Variants in PPM1B observed in about 807,000 individuals in gnomAD.
The protein encoded by PPM1B is protein phosphatase, Mg2+/Mn2+ dependent 1B.
In PPM1B, 22 loss-of-function variants were observed where a neutral mutation model predicts 43.0. The ratio of observed to expected loss-of-function variants is 0.51; its 90% CI spans 0.37 to 0.73. The LOEUF is 0.73. Among genes scored for constraint, PPM1B ranks in the 30% least tolerant of loss-of-function variants. The pLI, the probability that PPM1B is intolerant of heterozygous loss-of-function variation, is 0.00. For synonymous variants in PPM1B, 217 were observed against 197.9 expected (o/e 1.10, Z -0.81); for missense variants, 632 against 584.2 (o/e 1.08, Z -0.84).
chr2:44,213,743 A>C (rs957845516), intron 3 of PPM1B: 1 of 152,178 alleles, frequency 6.6e-6, no homozygotes, highest in East Asian at 1.9e-4. Context: ...AGGGTGATGA[A>C]AACGTGAGAA....
At chr2:44,196,514 C>A (rs11892447) in intron 1 of PPM1B, among the ~76,000 whole-genome samples, 134 of 152,306 alleles carry the variant, frequency 8.8e-4, no homozygotes, top group Non-Finnish European at 1.4e-3. Context: ...GAGTTATTCT[C>A]TCCCTCGTTT....
Position 44,230,587 on chromosome 2 carries a change from A to C in PPM1B, c.1309A>C (p.Thr437Pro). Residue 437 changes from threonine (T) to proline (P), a missense_variant, in exon 6 of 6, where the codon ACT becomes CCT. Coordinates refer to ENST00000282412, the MANE Select transcript of PPM1B (RefSeq NM_002706.6). ...ESPAEPAATA[T>P]SSNSDAGNPV... ...CCCTGCTGAACCAGCTGCCACAGCT[A>C]CTTCTTCGAACAGTGATGCTGGAAA... 2 of 1,614,210 alleles carry C rather than the reference A, an allele frequency of 1.2e-6. No individual in the cohort carries two copies. Among genetic ancestry groups the C allele is most frequent in the Non-Finnish European group, 1.7e-6 (2 of 1,180,024 alleles).
chr2:44,187,287 A>G (rs908289339), intron 1 of PPM1B, among the ~76,000 whole-genome samples: 2 of 152,162 alleles, frequency 1.3e-5, no homozygotes, highest in Non-Finnish European at 2.9e-5. Context: ...TGTATATACT[A>G]CATTTTGTTT....
At chr2:44,210,926 A>G (rs1484685227) in intron 3 of PPM1B, among the ~76,000 whole-genome samples, 1 of 152,118 alleles carries the variant, frequency 6.6e-6, no homozygotes, top group African/African-American at 2.4e-5. Flanking sequence ...TCACGAGGTC[A>G]AGAGTTGGAG....
chr2:44,198,510 ATTTG>A (rs1003641826), intron 1 of PPM1B, among the ~76,000 whole-genome samples: 3 of 152,064 alleles, frequency 2.0e-5, no homozygotes, highest in Admixed American at 1.3e-4. Flanking sequence ...CTTTTTTGAT[ATTTG>A]TTTTTCTAAA....
At chr2:44,228,744 A>G (rs886415897) in intron 5 of PPM1B, among the ~76,000 whole-genome samples, 1 of 151,308 alleles carries the variant, frequency 6.6e-6, no homozygotes, top group Admixed American at 6.6e-5. Flanking sequence ...TCTAGATTCA[A>G]CAACTGTTAA....
intron 2 of PPM1B, among the ~76,000 whole-genome samples, chr2:44,206,270 C>G (rs1271171989): frequency 1.3e-5 from 2 of 152,098 alleles, no homozygotes; most frequent in African/African-American, 2.4e-5. Context: ...AAACTTTATA[C>G]TGATTATACA....
intron 2 of PPM1B, among the ~76,000 whole-genome samples, chr2:44,202,951 T>C (rs1213461943): frequency 6.6e-6 from 1 of 152,194 alleles, no homozygotes; most frequent in African/African-American, 2.4e-5. Flanking sequence ...ACTGAAAAGA[T>C]ACCAAGGTAA....
chr2:44,240,402 C>G lies in PPM1B; in HGVS notation n.1547-3826C>G, dbSNP rs1670720072. On this transcript the variant is annotated intron_variant and non_coding_transcript_variant, in intron 5 of 5. Coordinates refer to the PPM1B transcript ENST00000378540. ...TGTAAAACAGGATTAGTAACTATAC[C>G]ATGCCAAGTCATGTGGGAGCCTAAG... is the stretch of plus-strand genomic sequence containing the variant. Among the ~76,000 whole-genome samples, 2 of 145,730 alleles carry G rather than the reference C, an allele frequency of 1.4e-5. 1 individual carries two copies.
In PPM1B at chr2:44,201,497, G is replaced by A; in HGVS notation, c.298G>A (p.Glu100Lys). Reference sequence around the variant, plus strand: ...AGGATCTGCTCTTGAGCTTTCAGTGGAAAATGTTAAGAATGGTATCAGAAC... The same window carrying A: ...AGGATCTGCTCTTGAGCTTTCAGTGAAAAATGTTAAGAATGGTATCAGAAC... Reference protein sequence around the residue: ...KSGSALELSVENVKNGIRTGF... With the variant: ...KSGSALELSVKNVKNGIRTGF... The change falls in exon 2 of 6, where the codon GAA becomes AAA. Residue 100 changes from glutamate to lysine, a missense_variant. Transcript: ENST00000282412. The surrounding 1 kb of genome is among the most constrained non-coding windows in gnomAD (Gnocchi z 5.4). 1 of 1,614,184 alleles carries A rather than the reference G, an allele frequency of 6.2e-7. No individual in the cohort carries two copies. Among genetic ancestry groups the A allele is most frequent in the Non-Finnish European group, 8.5e-7 (1 of 1,180,026 alleles).
chr2:44,179,235 C>T (rs1667740399), intron 1 of PPM1B, among the ~76,000 whole-genome samples: 1 of 152,206 alleles, frequency 6.6e-6, no homozygotes, highest in Non-Finnish European at 1.5e-5. Flanking sequence ...TCCCTGGCCA[C>T]ATAGAACTGA....
At chr2:44,234,795 T>G (rs1486451310), downstream of PPM1B, 1 of 171,114 alleles carries the variant, frequency 5.8e-6, no homozygotes, top group Non-Finnish European at 1.2e-5. Context: ...ACATACTGTT[T>G]TAATTTGTTA....
At chr2:44,172,020 A>G (rs1667371896) in intron 1 of PPM1B, among the ~76,000 whole-genome samples, 1 of 152,330 alleles carries the variant, frequency 6.6e-6, no homozygotes, top group East Asian at 1.9e-4. Flanking sequence ...CACTGATTTT[A>G]GTAAAAATTA....
At chr2:44,197,324 G>A (rs1420584558) in intron 1 of PPM1B, among the ~76,000 whole-genome samples, 1 of 152,110 alleles carries the variant, frequency 6.6e-6, no homozygotes, top group South Asian at 2.1e-4. Context: ...TCATTATGTT[G>A]TCCAGGCTGA....
At chr2:44,241,485 A>C (rs1479818052) in intron 5 of PPM1B, among the ~76,000 whole-genome samples, 3 of 143,326 alleles carry the variant, frequency 2.1e-5, no homozygotes, top group Non-Finnish European at 3.1e-5. Flanking sequence ...TAATCCCGGC[A>C]CTATGGGAGG....
chr2:44,186,542 A>C (rs541096875), intron 1 of PPM1B, among the ~76,000 whole-genome samples: 9 of 151,644 alleles, frequency 5.9e-5, no homozygotes, highest in Non-Finnish European at 1.2e-4. Context: ...TTAATTTTTG[A>C]AGTTTTTTTT....
intron 3 of PPM1B, among the ~76,000 whole-genome samples, chr2:44,211,602 T>C (rs2104188470): frequency 6.6e-6 from 1 of 152,256 alleles, no homozygotes; most frequent in East Asian, 1.9e-4. Context: ...ATGTTATACT[T>C]ATTCATAAGT....
chr2:44,179,972 G>T (rs1007330759), intron 1 of PPM1B, among the ~76,000 whole-genome samples: 2 of 142,644 alleles, frequency 1.4e-5, no homozygotes, highest in African/African-American at 2.6e-5. Flanking sequence ...TCCTACCATT[G>T]CACCACAGCC....
chr2:44,234,569 G>C (rs1018191614), downstream of PPM1B: 2 of 985,278 alleles, frequency 2.0e-6, no homozygotes, highest in Non-Finnish European at 1.2e-6. Flanking sequence ...GGCAGGGTGG[G>C]GGTTACTGGT....
Sources: allele counts gnomAD v4.1 joint callset (sites outside exome capture counted in the v4.1 genomes callset), GRCh38; gene constraint gnomAD v4.1.1; non-coding constraint Gnocchi (gnomAD v3.1); transcripts MANE v1.5; gene names NCBI Gene and HGNC (gene_info 2026-07-23, HGNC 2026-07-21).